CCZ1: variants seen among roughly 807,000 people sequenced by gnomAD.
CCZ1 encodes the protein CCZ1 vacuolar protein trafficking and biogenesis associated.
CCZ1 carries 19 observed loss-of-function variants against 57.8 expected under a neutral mutation model. The ratio of observed to expected loss-of-function variants is 0.33; its 90% CI spans 0.23 to 0.48. The LOEUF is 0.48. Ranked by LOEUF, CCZ1 falls within the 20% of genes least tolerant of loss-of-function variation. The pLI, the probability that CCZ1 is intolerant of heterozygous loss-of-function variation, is 0.99. For synonymous variants in CCZ1, 81 were observed against 167.0 expected (o/e 0.49, Z 3.97); for missense variants, 200 against 492.0 (o/e 0.41, Z 5.61).
At chr7:5,903,929 G>A (rs183535774) in intron 6 of CCZ1, among the ~76,000 whole-genome samples, 2,398 of 141,766 alleles carry the variant, frequency 0.017, 128 homozygotes, top group African/African-American at 0.062. Flanking sequence ...CCGGAGGCGA[G>A]GTTGCAGTGA....
intron 8 of CCZ1, among the ~76,000 whole-genome samples, chr7:5,910,608 G>C (rs1466581358): frequency 6.9e-6 from 1 of 144,664 alleles, no homozygotes; most frequent in African/African-American, 2.5e-5. Flanking sequence ...TTACAGGCGT[G>C]AGCCACCGCC....
At chr7:5,905,365 C>T (rs965644960) in intron 7 of CCZ1, 96 bp downstream of exon 7, 4 of 681,188 alleles carry the variant, frequency 5.9e-6, no homozygotes, top group Non-Finnish European at 9.5e-6. Context: ...CAGGAACTTG[C>T]AGCGGGGAGG....
intron 8 of CCZ1, among the ~76,000 whole-genome samples, 192 bp from the exon 9 acceptor site, chr7:5,911,669 C>G (rs1415329652): frequency 6.7e-6 from 1 of 149,216 alleles, no homozygotes; most frequent in South Asian, 2.2e-4. Flanking sequence ...TTGCTTGAGC[C>G]TAGGAGTTCA....
rs1248444417 is a variant in CCZ1 at position 5,913,010 on chromosome 7, C to A, written c.954+56C>A. ...ATTGTGCTGAAGTGGATCTTTCTTG[C>A]ATGTGTACACGAGTGCATGTGCAAA... On this transcript the variant is annotated intron_variant, in intron 10 of 14. Transcript: ENST00000325974. 7 of 1,604,354 alleles carry A rather than the reference C, an allele frequency of 4.4e-6. No individual in the cohort carries two copies. The Admixed American group carries it at 5.1e-5, about 12-fold the overall frequency.
At chr7:5,912,118 G>C (rs139941269) in intron 9 of CCZ1, among the ~76,000 whole-genome samples, 196 bp downstream of exon 9, 9,017 of 147,798 alleles carry the variant, frequency 0.061, 450 homozygotes, top group East Asian at 0.26. Flanking sequence ...CTATGCCTGG[G>C]TAATTCATTT....
At chr7:5,900,800 A>C in intron 3 of CCZ1, 55 bp from the exon 4 acceptor site, 1 of 1,553,258 alleles carries the variant, frequency 6.4e-7, no homozygotes, top group Non-Finnish European at 8.7e-7. Context: ...ATTAAGGCAA[A>C]ATAAACATGG....
At chr7:5,908,304 C>T (rs1278255696) in intron 7 of CCZ1, among the ~76,000 whole-genome samples, 1 of 120,934 alleles carries the variant, frequency 8.3e-6, no homozygotes, top group African/African-American at 3.1e-5. Context: ...TCTGTCTCTA[C>T]CAAAAAGTGG....
intron 8 of CCZ1, 95 bp downstream of exon 8, chr7:5,910,211 T>A: frequency 1.9e-6 from 2 of 1,048,056 alleles, no homozygotes; most frequent in Non-Finnish European, 2.9e-6. Context: ...TTTCTGATCG[T>A]TTCTGATGTA....
intron 5 of CCZ1, chr7:5,902,165 G>A (rs533339948): frequency 5.4e-6 from 1 of 184,408 alleles, no homozygotes; most frequent in African/African-American, 2.4e-5. Flanking sequence ...AGGTATCATG[G>A]TGCATGCCTG....
At chr7:5,913,190 C>T (rs1031956211) in intron 10 of CCZ1, among the ~76,000 whole-genome samples, 8 of 147,776 alleles carry the variant, frequency 5.4e-5, no homozygotes, top group Non-Finnish European at 1.0e-4. Flanking sequence ...GATTTATAAA[C>T]GTGTGAAGTC....
intron 7 of CCZ1, among the ~76,000 whole-genome samples, chr7:5,906,496 T>G (rs1395298463): frequency 6.7e-6 from 1 of 148,172 alleles, no homozygotes; most frequent in Admixed American, 6.7e-5. Context: ...CTAATTTTTG[T>G]ATTTTCAGTA....
At chr7:5,904,088 A>ATTTTTTTTTTT (rs746657675) in intron 6 of CCZ1, among the ~76,000 whole-genome samples, 1 of 84,498 alleles carries the variant, frequency 1.2e-5, no homozygotes, top group Non-Finnish European at 2.1e-5. Flanking sequence ...CAGGGAGTTA[A>ATTTTTTTTTTT]TTTTTTTTTT....
At chr7:5,916,503 TTG>T (rs1562544362) in intron 10 of CCZ1, among the ~76,000 whole-genome samples, 2 of 7,994 alleles carry the variant, frequency 2.5e-4, no homozygotes, top group South Asian at 5.1e-3. Flanking sequence ...GTTTTGTTTT[TTG>T]TTTTTTTTTT....
intron 7 of CCZ1, among the ~76,000 whole-genome samples, chr7:5,906,969 G>A (rs994364883): frequency 1.8e-4 from 27 of 149,024 alleles, no homozygotes; most frequent in Admixed American, 1.3e-3. Context: ...CTGGGTTCAA[G>A]CAATTCTCCT....
intron 9 of CCZ1, 34 bp from the exon 10 acceptor site, chr7:5,912,809 G>A (rs1297541807): frequency 6.4e-6 from 6 of 932,198 alleles, no homozygotes; most frequent in South Asian, 4.1e-5. Context: ...CCTTCACCTC[G>A]TTGAATCAAG....
intron 14 of CCZ1, chr7:5,925,418 G>T: frequency 2.0e-6 from 1 of 493,524 alleles, no homozygotes; most frequent in Non-Finnish European, 3.7e-6. Flanking sequence ...AGTGAGCCAA[G>T]ATCACACCAC....
intron 12 of CCZ1, among the ~76,000 whole-genome samples, chr7:5,920,951 GTTT>G (rs201738735): frequency 0.036 from 2,985 of 82,186 alleles, 27 homozygotes; most frequent in African/African-American, 0.071. Context: ...TGTTTTTTGG[GTTT>G]TTTTTTTTTT....
At chr7:5,913,228 A>G (rs553212104) in intron 10 of CCZ1, among the ~76,000 whole-genome samples, 4 of 145,708 alleles carry the variant, frequency 2.7e-5, no homozygotes, top group African/African-American at 1.0e-4. Flanking sequence ...AAAGGCTGTC[A>G]GAGGTTGGTG....
At chr7:5,905,664 C>T (rs998317575) in intron 7 of CCZ1, among the ~76,000 whole-genome samples, 2 of 142,398 alleles carry the variant, frequency 1.4e-5, no homozygotes, top group Non-Finnish European at 3.0e-5. Context: ...TGCCTGTAAT[C>T]CCAGCTACTC....
Sources: allele counts gnomAD v4.1 joint callset (sites outside exome capture counted in the v4.1 genomes callset), GRCh38; gene constraint gnomAD v4.1.1; transcripts MANE v1.5; gene names NCBI Gene and HGNC (gene_info 2026-07-23, HGNC 2026-07-21).